TRRAP: variants seen among roughly 807,000 people sequenced by gnomAD.
The protein encoded by TRRAP is transformation/transcription domain associated protein.
In TRRAP, 41 loss-of-function variants were observed where a neutral mutation model predicts 438.8. The ratio of observed to expected loss-of-function variants is 0.09; its 90% CI spans 0.07 to 0.12. The LOEUF (loss-of-function observed/expected upper bound fraction) is 0.12. TRRAP is among the 10% of genes least tolerant of loss of function. The pLI is 1.00. For missense variants in TRRAP, 3,122 were observed against 5,055.1 expected, an observed-to-expected ratio of 0.62 and a Z score of 11.60; for synonymous variants, 1,994 against 1,962.9, an observed-to-expected ratio of 1.02 and a Z score of -0.42.
Position 98,976,326 on chromosome 7 carries a change from AT to A in TRRAP, c.7959+60del, listed in dbSNP as rs1359979975. 6.2e-7 allele frequency: 1 copy of A among 1,603,564 alleles called. No individual in the cohort carries two copies. Among genetic ancestry groups the A allele is most frequent in the East Asian group, 2.2e-5 (1 of 44,734 alleles). Reference sequence around the variant, plus strand: ...ATTGTAGTTTTAGCTTTTGGTAAGTATTCATAAAAGAACACAGTCTCGAACA... The same window carrying A: ...ATTGTAGTTTTAGCTTTTGGTAAGTATCATAAAAGAACACAGTCTCGAACA... On this transcript the variant is annotated intron_variant, in intron 54 of 72. Transcript: ENST00000456197. This position sits in a 1 kb window ranked among gnomAD's most constrained non-coding sequence, Gnocchi z 4.6.
intron 53 of TRRAP, among the ~76,000 whole-genome samples, chr7:98,973,050 G>T (rs940230588): frequency 2.0e-5 from 3 of 152,100 alleles, no homozygotes; most frequent in Admixed American, 6.5e-5. Flanking sequence ...TGCAATCTCG[G>T]CTCACAGCAA....
Position 98,933,419 on chromosome 7 carries a change from G to A in TRRAP, c.4014+17G>A, listed in dbSNP as rs1554413445. 1 of 1,609,508 alleles carries A rather than the reference G, an allele frequency of 6.2e-7. No homozygotes were observed. The highest frequency in any genetic ancestry group is 1.1e-5 in the South Asian group (1 of 90,762). The stretch of plus-strand genomic sequence containing the variant: ...TACACAGAGGTAGGGGGGTGGTGGT[G>A]CGGAGTGGTGTGGATGGTGATGACG... On this transcript the variant is annotated intron_variant, in intron 27 of 72. Transcript: ENST00000456197.
At chr7:98,974,674 C>T (rs1010356977) in intron 53 of TRRAP, among the ~76,000 whole-genome samples, 19 of 152,090 alleles carry the variant, frequency 1.2e-4, no homozygotes, top group Non-Finnish European at 2.2e-4. Flanking sequence ...TCTCAAATCC[C>T]GAAAATATAA....
chr7:98,993,802 C>T, intron 66 of TRRAP, 65 bp downstream of exon 66: 2 of 1,510,686 alleles, frequency 1.3e-6, no homozygotes, highest in Non-Finnish European at 1.8e-6. Context: ...CTGTATGCTT[C>T]TGTGGCTCTC....
chr7:98,978,909 G>A lies in TRRAP; in HGVS notation c.8634+5G>A. ...ATGAAGGAGGCGCTGGTGCAGGTGA[G>A]ACGCCCCGGGGGCATCCCTGCCGCT... On this transcript the variant is annotated splice_donor_5th_base_variant and intron_variant, in intron 58 of 72. Transcript: ENST00000456197. The A allele has an allele frequency of 1.2e-6, 2 of 1,613,622 alleles. No homozygotes were observed. The highest frequency in any genetic ancestry group is 1.7e-6 in the Non-Finnish European group (2 of 1,180,006).
In TRRAP at chr7:98,994,805, A is replaced by G. The variant is rs1206495777; in HGVS notation, c.10266A>G (p.Ala3422=). The G allele has an allele frequency of 3.1e-6, 5 of 1,613,764 alleles. No individual in the cohort carries two copies. The highest frequency in any genetic ancestry group is 1.6e-4 in the Middle Eastern group (1 of 6,084). The part of the protein sequence containing the change: ...ESLARRAQAT[A]QDPVFQKLKG... ...TGGCCCGGCGGGCGCAGGCCACTGC[A>G]CAAGACCCTGTCTTTCAGAAGCTGA... Residue 3422 remains alanine (A), a synonymous_variant, in exon 67 of 73, where the codon GCA becomes GCG. Coordinates refer to ENST00000456197, the MANE Select transcript of TRRAP (RefSeq NM_001375524.1). The surrounding 1 kb of genome is among the most constrained non-coding windows in gnomAD (Gnocchi z 4.8).
Position 98,908,015 on chromosome 7 carries a change from C to T in TRRAP, c.1116-713C>T, listed in dbSNP as rs888723188. ...CCTTTATCTTTCCTGTTTCTTCCAT[C>T]TGGAAATTTCCCTGGATTTTTGCCT... On this transcript the variant is annotated intron_variant, in intron 13 of 72. Coordinates refer to ENST00000456197, the MANE Select transcript of TRRAP (RefSeq NM_001375524.1). The surrounding 1 kb of genome is among the most constrained non-coding windows in gnomAD (Gnocchi z 4.1). 6.6e-6 allele frequency among the ~76,000 whole-genome samples: 1 copy of T among 152,250 alleles called. No homozygotes were observed. The highest frequency in any genetic ancestry group is 1.5e-5 in the Non-Finnish European group (1 of 68,042).
In TRRAP at chr7:98,976,200, C is replaced by T; in HGVS notation, c.7891C>T (p.Leu2631=). ...TCAGCTGTGCCACATTTCCACGACG[C>T]TGGCAGAGAAGACGTGGGTCCAGCT... ...FVQLCHISTT[L]AEKTWVQLFP... The change falls in exon 54 of 73, where the codon CTG becomes TTG. Residue 2631 remains leucine (L), a synonymous_variant. Transcript: ENST00000456197. The surrounding 1 kb of genome is among the most constrained non-coding windows in gnomAD (Gnocchi z 4.6). 6.2e-7 allele frequency: 1 copy of T among 1,614,174 alleles called. No homozygotes were observed. The highest frequency in any genetic ancestry group is 1.1e-5 in the South Asian group (1 of 91,082).
intron 20 of TRRAP, among the ~76,000 whole-genome samples, chr7:98,919,347 T>C (rs1438682873): frequency 6.6e-6 from 1 of 152,208 alleles, no homozygotes; most frequent in Non-Finnish European, 1.5e-5. Flanking sequence ...ACACCTGTAA[T>C]CCCAGCACTT....
intron 18 of TRRAP, 150 bp from the exon 19 acceptor site, chr7:98,915,573 T>C: frequency 1.2e-6 from 1 of 857,608 alleles, no homozygotes; most frequent in Non-Finnish European, 1.7e-6. Context: ...AAATAAAGAT[T>C]GGAATATGCT....
In TRRAP at chr7:98,978,249, A is replaced by G; in HGVS notation, c.8424A>G (p.Lys2808=). The G allele has an allele frequency of 6.2e-7, 1 of 1,614,192 alleles. No individual in the cohort carries two copies. Among genetic ancestry groups the G allele is most frequent in the Non-Finnish European group, 8.5e-7 (1 of 1,180,038 alleles). The change falls in exon 57 of 73, where the codon AAA becomes AAG. Residue 2808 remains lysine, a synonymous_variant. Coordinates refer to ENST00000456197, the MANE Select transcript of TRRAP (RefSeq NM_001375524.1). ...ATGAAAAGGCAATGGATAAAGCCAA[A>G]AAAGAACATGAGAGGAGTAACGCCT... ...ESYEKAMDKA[K]KEHERSNASP... is the part of the protein sequence containing the mutation.
In TRRAP at chr7:98,910,355, C is replaced by G. The variant is rs1554408527; in HGVS notation, c.1650C>G (p.Val550=). ...AAGTCACAGACTGTCGAAGTTTGGT[C>G]AAAACCTTGGTGTGTGGTGTCAAGA... ...TFQVTDCRSL[V]KTLVCGVKTI... is the part of the protein sequence containing the mutation. The change falls in exon 15 of 73, where the codon GTC becomes GTG. Residue 550 remains valine, a synonymous_variant. Coordinates refer to ENST00000456197, the MANE Select transcript of TRRAP (RefSeq NM_001375524.1). The G allele has an allele frequency of 7.5e-6, 12 of 1,610,192 alleles. No individual in the cohort carries two copies. In the South Asian group the frequency reaches 1.3e-4, roughly 18 times the overall value.
intron 20 of TRRAP, among the ~76,000 whole-genome samples, chr7:98,920,030 A>C (rs1265452019): frequency 6.6e-6 from 1 of 152,170 alleles, no homozygotes; most frequent in Non-Finnish European, 1.5e-5. Flanking sequence ...TACTTTTCTG[A>C]CAATTATTAA....
At chr7:99,000,884 C>T (rs1386649490) in intron 67 of TRRAP, among the ~76,000 whole-genome samples, 1 of 152,260 alleles carries the variant, frequency 6.6e-6, no homozygotes, top group Admixed American at 6.5e-5. Context: ...CTTGCACACC[C>T]AGAGTGTGGT....
At chr7:98,899,180 C>T (rs376579795) in intron 8 of TRRAP, among the ~76,000 whole-genome samples, 62 of 152,190 alleles carry the variant, frequency 4.1e-4, no homozygotes, top group African/African-American at 1.4e-3. Flanking sequence ...AAGAGCAAGA[C>T]TCCATCTCAA....
chr7:99,005,524 C>T lies in TRRAP; in HGVS notation c.10753+176C>T, dbSNP rs780398916. On this transcript the variant is annotated intron_variant, in intron 69 of 72. Transcript: ENST00000456197. This position sits in a 1 kb window ranked among gnomAD's most constrained non-coding sequence, Gnocchi z 5.1. ...GAAGGCCTCAGGAAGAGGAGCAGCT[C>T]CAGGCCTTCAGGCTTCTCACTGAGA... Among the ~76,000 whole-genome samples, 2 of 152,190 alleles carry T rather than the reference C, an allele frequency of 1.3e-5. No individual in the cohort carries two copies. The highest frequency in any genetic ancestry group is 2.9e-5 in the Non-Finnish European group (2 of 68,026).
intron 7 of TRRAP, among the ~76,000 whole-genome samples, chr7:98,897,131 A>T (rs997856786): frequency 6.6e-6 from 1 of 152,162 alleles, no homozygotes; most frequent in East Asian, 1.9e-4. Flanking sequence ...GCTACTTGGG[A>T]GGCTGAGGCG....
In TRRAP at chr7:99,005,014, C is replaced by T. The variant is rs1308952418; in HGVS notation, c.10536-117C>T. On this transcript the variant is annotated intron_variant, in intron 68 of 72. Coordinates refer to ENST00000456197, the MANE Select transcript of TRRAP (RefSeq NM_001375524.1). The surrounding 1 kb of genome is among the most constrained non-coding windows in gnomAD (Gnocchi z 5.1). ...AGGGTACAAATAAATTGATAAACGA[C>T]CGCTGGCCTACACAGTCCGTTTTCC... is the stretch of plus-strand genomic sequence containing the variant. 3 of 966,316 alleles carry T rather than the reference C, an allele frequency of 3.1e-6. No homozygotes were observed. The Admixed American group carries it at 5.9e-5, about 19-fold the overall frequency. The allele number at this position is 966,316 out of a possible 1,614,324, so 59.9% of individuals were successfully genotyped here.
Position 98,976,549 on chromosome 7 carries a change from C to A in TRRAP, c.8026C>A (p.Pro2676Thr). ...GSHQVQRDCQ[P>T]SALNCFVEAM... Reference sequence around the variant, plus strand: ...TCACCAGGTGCAGCGGGACTGCCAGCCCAGCGCGCTGAACTGCTTTGTGGA... The same window carrying A: ...TCACCAGGTGCAGCGGGACTGCCAGACCAGCGCGCTGAACTGCTTTGTGGA... The change falls in exon 55 of 73, where the codon CCC (proline) becomes ACC (threonine). Residue 2676 changes from proline (P) to threonine (T), a missense_variant. By Grantham distance (38) the Pro-to-Thr change is conservative. Coordinates refer to ENST00000456197, the MANE Select transcript of TRRAP (RefSeq NM_001375524.1). The surrounding 1 kb of genome is among the most constrained non-coding windows in gnomAD (Gnocchi z 4.6). The A allele has an allele frequency of 6.2e-7, 1 of 1,613,946 alleles. No homozygotes were observed. Among genetic ancestry groups the A allele is most frequent in the Non-Finnish European group, 8.5e-7 (1 of 1,180,044 alleles).
Sources: gnomAD v4.1 joint callset for allele counts (sites outside exome capture counted in the v4.1 genomes callset) on GRCh38, gnomAD v4.1.1 for gene constraint, Gnocchi (gnomAD v3.1) non-coding constraint, MANE v1.5 for transcripts, NCBI Gene and HGNC (gene_info 2026-07-23, HGNC 2026-07-21) for gene names.